The following XPO1 variants were observed in gnomAD, a reference collection of about 807,000 sequenced individuals.
XPO1 encodes the protein exportin-1.
XPO1 carries 5 observed loss-of-function variants against 133.3 expected under a neutral mutation model. The observed-to-expected ratio is 0.04, with a 90% CI of 0.02 to 0.08. The LOEUF is 0.08. Among genes scored for constraint, XPO1 ranks in the 10% least tolerant of loss-of-function variants. The pLI, the probability that XPO1 is intolerant of heterozygous loss-of-function variation, is 1.00. For synonymous variants in XPO1, 419 were observed against 408.2 expected (o/e 1.03, Z -0.32); for missense variants, 506 against 1,267.5 (o/e 0.40, Z 9.12).
rs1183493292 is a variant in XPO1 at position 61,531,551 on chromosome 2, T to C, written c.126+2221A>G. Among the ~76,000 whole-genome samples the C allele has an allele frequency of 6.6e-5, 10 of 152,336 alleles. No homozygotes were observed. The East Asian group carries it at 1.9e-3, about 29-fold the overall frequency. On this transcript the variant is annotated intron_variant, in intron 2 of 24. Coordinates refer to ENST00000401558, the MANE Select transcript of XPO1 (RefSeq NM_003400.4). ...ACACTGCTCTATGTTGGTTTATTTA[T>C]CATACCTTTAGATGTAGTGAACTAG...
rs1696809804 is a variant in XPO1 at position 61,488,640 on chromosome 2, A to T, written c.2154T>A (p.Leu718=). 1 of 1,613,584 alleles carries T rather than the reference A, an allele frequency of 6.2e-7. No individual in the cohort carries two copies. Among genetic ancestry groups the T allele is most frequent in the South Asian group, 1.1e-5 (1 of 91,024 alleles). The change falls in exon 18 of 25, where the codon CTT becomes CTA. Residue 718 remains leucine (L), a synonymous_variant. Coordinates refer to ENST00000401558, the MANE Select transcript of XPO1 (RefSeq NM_003400.4). The part of the protein sequence containing the change: ...IQLGRIYLDM[L]NVYKCLSENI... ...TTTCACTGAGGCACTTGTATACATT[A>T]AGCATATCTAAATAAATTCTTCCAA... is the stretch of plus-strand genomic sequence containing the variant.
chr2:61,527,321 C>CAAAAA (rs35556629), intron 2 of XPO1, among the ~76,000 whole-genome samples: 7 of 92,644 alleles, frequency 7.6e-5, no homozygotes, highest in African/African-American at 2.8e-4. Flanking sequence ...CATGACTCTC[C>CAAAAA]AAAAAAAAAA....
intron 4 of XPO1, among the ~76,000 whole-genome samples, chr2:61,504,641 TGAAAA>T (rs1366803917): frequency 6.6e-6 from 1 of 152,096 alleles, no homozygotes; most frequent in Non-Finnish European, 1.5e-5. Flanking sequence ...AAATTTTCGT[TGAAAA>T]GAAAAATAAA....
chr2:61,517,075 G>A (rs543917801), intron 4 of XPO1, among the ~76,000 whole-genome samples: 36 of 151,744 alleles, frequency 2.4e-4, no homozygotes, highest in Non-Finnish European at 4.7e-4. Context: ...AGCTAATTTT[G>A]GTATTTTTAG....
At chr2:61,487,542 A>C (rs533185139) in intron 19 of XPO1, among the ~76,000 whole-genome samples, 5 of 152,080 alleles carry the variant, frequency 3.3e-5, no homozygotes, top group South Asian at 2.1e-4. Flanking sequence ...AAAAAAAAAA[A>C]CCAAAAAACA....
chr2:61,525,391 T>C (rs1698871141), intron 3 of XPO1: 1 of 992,728 alleles, frequency 1.0e-6, no homozygotes, highest in Admixed American at 6.1e-5. Context: ...AGTGTTAACA[T>C]CTTTAAAGAA....
rs187389126 is a variant in XPO1 at position 61,510,862 on chromosome 2, C to T, written c.302-8552G>A. On this transcript the variant is annotated intron_variant, in intron 4 of 24. Coordinates refer to ENST00000401558, the MANE Select transcript of XPO1 (RefSeq NM_003400.4). ...TGACGCAGGAGGATTGCTAGAGCCCCGGAAGTTGAGGCTAGAGTTAAGCCA... is the reference window on the plus strand; with the variant it reads ...TGACGCAGGAGGATTGCTAGAGCCCTGGAAGTTGAGGCTAGAGTTAAGCCA... Among the ~76,000 whole-genome samples the T allele has an allele frequency of 1.4e-3, 206 of 150,296 alleles. 1 individual carries two copies. Among genetic ancestry groups the T allele is most frequent in the African/African-American group, 4.9e-3 (201 of 40,830 alleles).
chr2:61,527,395 G>A (rs1254605011), intron 2 of XPO1, among the ~76,000 whole-genome samples: 1 of 151,874 alleles, frequency 6.6e-6, no homozygotes, highest in Non-Finnish European at 1.5e-5. Flanking sequence ...GACCGAGATG[G>A]GAGGATCACT....
At position 61,514,608 on chromosome 2, in the gene XPO1, A is replaced by G. The variant is rs58283785; in HGVS notation, c.301+8003T>C. ...ACTCTGTCTTTAAAAAAAAAAAAAA[A>G]AAAGAAAGAAATTAAAACCACCATG... On this transcript the variant is annotated intron_variant, in intron 4 of 24. Coordinates refer to ENST00000401558, the MANE Select transcript of XPO1 (RefSeq NM_003400.4). Among the ~76,000 whole-genome samples the G allele has an allele frequency of 3.1e-3, 477 of 151,542 alleles. 6 individuals are homozygous for G. Among genetic ancestry groups the G allele is most frequent in the East Asian group, 7.8e-3 (40 of 5,134 alleles).
At chr2:61,494,992 ACACCAC>A (rs1172120013) in intron 11 of XPO1, among the ~76,000 whole-genome samples, 1 of 151,690 alleles carries the variant, frequency 6.6e-6, no homozygotes, top group East Asian at 1.9e-4. Flanking sequence ...CAGTCATGTG[ACACCAC>A]GCACAGCTAA....
chr2:61,535,231 G>A (rs1699308646), intron 1 of XPO1, among the ~76,000 whole-genome samples: 1 of 152,182 alleles, frequency 6.6e-6, no homozygotes, highest in South Asian at 2.1e-4. Context: ...GGTTAAGTCA[G>A]TAGTCCTTAA....
rs775714808 is a variant in XPO1 at position 61,522,701 on chromosome 2, G to C, written c.229-18C>G. 5.7e-6 allele frequency: 9 copies of C among 1,578,254 alleles called. No homozygotes were observed. Among genetic ancestry groups the C allele is most frequent in the Non-Finnish European group, 7.8e-6 (9 of 1,148,206 alleles). ...CCATAGTACTGAAAATTGGAGAATA[G>C]AAGCATGTGAATATATTGCTTATAG... On this transcript the variant is annotated intron_variant, in intron 3 of 24. Coordinates refer to ENST00000401558, the MANE Select transcript of XPO1 (RefSeq NM_003400.4).
chr2:61,534,539 C>G (rs962256274), intron 1 of XPO1: 1 of 152,272 alleles, frequency 6.6e-6, no homozygotes, highest in African/African-American at 2.4e-5. Flanking sequence ...AAAAATCAGC[C>G]AGGCATGGAG....
At chr2:61,482,880 C>A in intron 22 of XPO1, 77 bp downstream of exon 22, 1 of 1,573,064 alleles carries the variant, frequency 6.4e-7, no homozygotes, top group African/African-American at 1.4e-5. Flanking sequence ...GCCTCGACCT[C>A]CCAAAGTGCT....
chr2:61,495,499 G>T lies in XPO1; in HGVS notation c.1003C>A (p.Gln335Lys). ...AGATTTAATCTTTTTTCTATAAGTTGATCATGTTCCTTAAGAAAGGTGCAG... is the reference window on the plus strand; with the variant it reads ...AGATTTAATCTTTTTTCTATAAGTTTATCATGTTCCTTAAGAAAGGTGCAG... ...FLCTFLKEHD[Q>K]LIEKRLNLRE... The change falls in exon 11 of 25, where the codon CAA (glutamine) becomes AAA (lysine). Residue 335 changes from glutamine (Q) to lysine (K), a missense_variant. Coordinates refer to ENST00000401558, the MANE Select transcript of XPO1 (RefSeq NM_003400.4). 6.3e-7 allele frequency: 1 copy of T among 1,578,758 alleles called. No homozygotes were observed. Among genetic ancestry groups the T allele is most frequent in the East Asian group, 2.3e-5 (1 of 43,956 alleles).
intron 2 of XPO1, among the ~76,000 whole-genome samples, chr2:61,527,454 C>G (rs1263433028): frequency 2.0e-5 from 3 of 152,054 alleles, no homozygotes; most frequent in Non-Finnish European, 4.4e-5. Context: ...TGCCACTACA[C>G]TTCAGCCTGG....
At chr2:61,536,221 A>G (rs1300556656) in intron 1 of XPO1, 1 of 152,226 alleles carries the variant, frequency 6.6e-6, no homozygotes, top group Non-Finnish European at 1.5e-5. Context: ...AACTGTACAT[A>G]GTACAGAAAT....
chr2:61,499,996 A>C, intron 6 of XPO1, 102 bp from the exon 7 acceptor site: 1 of 1,171,792 alleles, frequency 8.5e-7, no homozygotes, highest in South Asian at 1.4e-5. Context: ...AGTAAGGATA[A>C]ATCACTTTTC....
At chr2:61,497,457 C>A (rs1227185229) in intron 9 of XPO1, among the ~76,000 whole-genome samples, 5 of 152,186 alleles carry the variant, frequency 3.3e-5, no homozygotes, top group African/African-American at 1.2e-4. Context: ...GTGATCCGCT[C>A]ACCTCGACCT....
Sources: allele counts gnomAD v4.1 joint callset (sites outside exome capture counted in the v4.1 genomes callset), GRCh38; gene constraint gnomAD v4.1.1; transcripts MANE v1.5; gene names NCBI Gene and HGNC (gene_info 2026-07-23, HGNC 2026-07-21).